LARGE1: variants seen among roughly 807,000 people sequenced by gnomAD.
LARGE1 encodes the protein LARGE xylosyl- and glucuronyltransferase 1.
A neutral mutation model predicts 87.6 loss-of-function variants in LARGE1; 43 were observed. That is an observed-to-expected ratio of 0.49 (90% CI 0.38 to 0.63). The LOEUF is 0.63. Ranked by LOEUF, LARGE1 falls within the 30% of genes least tolerant of loss-of-function variation. The pLI, the probability that LARGE1 is intolerant of heterozygous loss-of-function variation, is 0.00. For synonymous variants in LARGE1, 434 were observed against 394.6 expected, an observed-to-expected ratio of 1.10 and a Z score of -1.18; for missense variants, 802 against 1,000.2, an observed-to-expected ratio of 0.80 and a Z score of 2.67.
chr22:33,502,420 G>C (rs78378830), intron 6 of LARGE1, among the ~76,000 whole-genome samples: 7,671 of 152,224 alleles, frequency 0.05, 616 homozygotes, highest in African/African-American at 0.18. Flanking sequence ...GAAGGGACAT[G>C]AGGGTGTCTG....
intron 3 of LARGE1, among the ~76,000 whole-genome samples, chr22:33,628,124 G>A (rs1251111679): frequency 6.6e-6 from 1 of 152,194 alleles, no homozygotes. Context: ...GGAGATGCAA[G>A]AGAGGAATGA....
At chr22:33,664,886 C>CA (rs1459903192) in intron 2 of LARGE1, among the ~76,000 whole-genome samples, 1 of 152,046 alleles carries the variant, frequency 6.6e-6, no homozygotes, top group Non-Finnish European at 1.5e-5. Context: ...GCAACAACAA[C>CA]AAAAAAACTG....
chr22:33,094,003 C>T, the LARGE1 span, among the ~76,000 whole-genome samples: 18 of 151,894 alleles, frequency 1.2e-4, no homozygotes, highest in East Asian at 5.8e-4. Flanking sequence ...CTGCCTGCCT[C>T]GGTCTCCCAA....
chr22:33,882,373 G>A (rs536737150), intron 1 of LARGE1, among the ~76,000 whole-genome samples: 2 of 152,234 alleles, frequency 1.3e-5, no homozygotes, highest in East Asian at 1.9e-4. Context: ...CCAGTAACCT[G>A]GGGCAAATGA....
intron 1 of LARGE1, among the ~76,000 whole-genome samples, chr22:33,781,672 A>C (rs927878759): frequency 6.6e-6 from 1 of 152,240 alleles, no homozygotes; most frequent in Admixed American, 6.5e-5. Context: ...CCCCAGGGTG[A>C]CCCATCACTC....
intron 1 of LARGE1, among the ~76,000 whole-genome samples, chr22:33,884,966 G>C (rs1601848743): frequency 6.6e-6 from 1 of 152,206 alleles, no homozygotes; most frequent in Non-Finnish European, 1.5e-5. Flanking sequence ...ATTAATAAAA[G>C]GGCAGGTAAA....
At chr22:33,146,480 G>A in the LARGE1 span, among the ~76,000 whole-genome samples, 1 of 152,058 alleles carries the variant, frequency 6.6e-6, no homozygotes, top group Non-Finnish European at 1.5e-5. Flanking sequence ...GTGCTTTCAG[G>A]GTTCATATTT....
At chr22:33,537,527 T>TGGG (rs1248061816) in intron 6 of LARGE1, among the ~76,000 whole-genome samples, 1 of 152,170 alleles carries the variant, frequency 6.6e-6, no homozygotes, top group African/African-American at 2.4e-5. Context: ...ACCATTAACT[T>TGGG]AATCGCTTAT....
intron 6 of LARGE1, among the ~76,000 whole-genome samples, chr22:33,452,279 A>T (rs550540863): frequency 6.6e-6 from 1 of 152,232 alleles, no homozygotes; most frequent in South Asian, 2.1e-4. Flanking sequence ...ATAAGGGGAC[A>T]CAGCAAGGGT....
intron 9 of LARGE1, among the ~76,000 whole-genome samples, chr22:33,339,081 G>T (rs1346505913): frequency 6.6e-6 from 1 of 151,358 alleles, no homozygotes; most frequent in Non-Finnish European, 1.5e-5. Context: ...CCAGGAGGTG[G>T]AGGTTGCGGT....
Position 33,274,512 on chromosome 22 carries a change from G to A in LARGE1, c.2186C>T (p.Thr729Ile), listed in dbSNP as rs775354337. Residue 729 changes from threonine to isoleucine, a missense_variant, in exon 15 of 15, where the codon ACC (threonine) becomes ATC (isoleucine). Transcript: ENST00000397394. The part of the protein sequence containing the change: ...SNKQYRICLK[T>I]LKEEFQQDMS... ...GTCCTGCTGAAACTCTTCCTTGAGG[G>A]TTTTGAGACAGATGCGGTATTGCTT... is the stretch of plus-strand genomic sequence containing the variant. 8.1e-6 allele frequency: 13 copies of A among 1,614,056 alleles called. No homozygotes were observed. Among genetic ancestry groups the A allele is most frequent in the Non-Finnish European group, 1.0e-5 (12 of 1,180,040 alleles).
intron 1 of LARGE1, among the ~76,000 whole-genome samples, chr22:33,831,032 T>C (rs938861629): frequency 6.6e-6 from 1 of 152,186 alleles, no homozygotes; most frequent in Non-Finnish European, 1.5e-5. Context: ...CACAGCAATG[T>C]AGACGACAAT....
intron 6 of LARGE1, among the ~76,000 whole-genome samples, chr22:33,506,431 C>T (rs2070769845): frequency 6.6e-6 from 1 of 152,168 alleles, no homozygotes; most frequent in Non-Finnish European, 1.5e-5. Flanking sequence ...ACCCTTCCTC[C>T]TCCCATAGGC....
At chr22:33,549,180 C>T (rs552919003) in intron 6 of LARGE1, among the ~76,000 whole-genome samples, 2 of 152,352 alleles carry the variant, frequency 1.3e-5, no homozygotes, top group South Asian at 4.1e-4. Flanking sequence ...CCTGCTGCAT[C>T]CTTCCACATG....
intron 1 of LARGE1, among the ~76,000 whole-genome samples, chr22:33,852,818 T>C (rs921404513): frequency 1.7e-4 from 22 of 127,192 alleles, no homozygotes; most frequent in African/African-American, 6.5e-4. Flanking sequence ...ATTGGGCCGC[T>C]GCACTCCAGC....
intron 11 of LARGE1, among the ~76,000 whole-genome samples, chr22:33,239,696 AC>A (rs1188626231): frequency 1.3e-5 from 2 of 150,802 alleles, no homozygotes; most frequent in Non-Finnish European, 3.0e-5. Flanking sequence ...ATGACACCGC[AC>A]CTGGCTAGTT....
intron 10 of LARGE1, among the ~76,000 whole-genome samples, chr22:33,324,102 G>A (rs1937004811): frequency 1.3e-5 from 2 of 151,458 alleles, no homozygotes; most frequent in South Asian, 2.1e-4. Context: ...TGTGGTGGTG[G>A]GTGCCTGTAA....
At chr22:33,131,063 T>TAAC in the LARGE1 span, among the ~76,000 whole-genome samples, 2 of 115,568 alleles carry the variant, frequency 1.7e-5, no homozygotes, top group African/African-American at 6.6e-5. Flanking sequence ...AAAAAAAAAG[T>TAAC]AACTATCGAA....
At chr22:33,394,700 AGCGTGTGTGT>A (rs1231859521) in intron 7 of LARGE1, among the ~76,000 whole-genome samples, 1 of 129,552 alleles carries the variant, frequency 7.7e-6, no homozygotes, top group African/African-American at 3.4e-5. Flanking sequence ...ACCTCCTGGG[AGCGTGTGTGT>A]GTGTGTGTGT....
Sources: gnomAD v4.1 joint callset for allele counts (sites outside exome capture counted in the v4.1 genomes callset) on GRCh38, gnomAD v4.1.1 for gene constraint, MANE v1.5 for transcripts, NCBI Gene and HGNC (gene_info 2026-07-23, HGNC 2026-07-21) for gene names.